The following ITPR1 variants were observed in gnomAD, a reference collection of about 807,000 sequenced individuals.
ITPR1 encodes the protein inositol 1,4,5-trisphosphate receptor type 1.
ITPR1 carries 96 observed loss-of-function variants against 318.4 expected under a neutral mutation model. The observed-to-expected ratio is 0.30, with a 90% CI of 0.26 to 0.36. ITPR1 has a LOEUF of 0.36. Among genes scored for constraint, ITPR1 ranks in the 10% least tolerant of loss-of-function variants. ITPR1 has a pLI of 1.00. For missense variants in ITPR1, 2,440 were observed against 3,460.2 expected (o/e 0.71, Z 7.40); for synonymous variants, 1,312 against 1,289.9 (o/e 1.02, Z -0.37).
At chr3:4,846,084 G>T in intron 61 of ITPR1, 55 bp from the exon 62 acceptor site, 1 of 1,039,272 alleles carries the variant, frequency 9.6e-7, no homozygotes, top group Non-Finnish European at 1.4e-6. Flanking sequence ...TTCAGTATGC[G>T]ATTTGACGTA....
chr3:4,616,731 G>T lies in ITPR1; in HGVS notation c.164-11032G>T, dbSNP rs142458284. Among the ~76,000 whole-genome samples the T allele has an allele frequency of 3.8e-4, 58 of 152,214 alleles. 2 individuals carry two copies. The East Asian group carries it at 0.011, about 29-fold the overall frequency. On this transcript the variant is annotated intron_variant, in intron 4 of 61. Transcript: ENST00000649015. The stretch of plus-strand genomic sequence containing the variant: ...CAACTCCAGCCAGAGTGTTGCCTGG[G>T]GTGTGGGGTAATAAGAAAGAATGAA...
intron 4 of ITPR1, among the ~76,000 whole-genome samples, chr3:4,575,867 A>G (rs1383845473): frequency 6.6e-6 from 1 of 152,032 alleles, no homozygotes. Flanking sequence ...CAAAAAATAA[A>G]AAATTATCTA....
chr3:4,746,877 G>A (rs2044147637), intron 44 of ITPR1, among the ~76,000 whole-genome samples: 1 of 152,200 alleles, frequency 6.6e-6, no homozygotes, highest in African/African-American at 2.4e-5. Flanking sequence ...ACTCGCCCAA[G>A]GGTGCACTTT....
chr3:4,814,345 C>A, intron 57 of ITPR1, 78 bp from the exon 58 acceptor site: 1 of 1,453,278 alleles, frequency 6.9e-7, no homozygotes, highest in Non-Finnish European at 9.7e-7. Context: ...AGATGGCATT[C>A]AGGAAACAGG....
chr3:4,539,837 G>A (rs2084256119), intron 4 of ITPR1, among the ~76,000 whole-genome samples: 2 of 152,134 alleles, frequency 1.3e-5, no homozygotes, highest in Non-Finnish European at 2.9e-5. Context: ...TCTTTAGAGA[G>A]TCCTTACCAG....
At chr3:4,746,379 G>A (rs1053028823) in intron 44 of ITPR1, among the ~76,000 whole-genome samples, 9 of 152,136 alleles carry the variant, frequency 5.9e-5, no homozygotes, top group East Asian at 1.9e-4. Flanking sequence ...ACTCCCCTAC[G>A]CTTATTGTCC....
chr3:4,668,826 A>G (rs919027844), intron 18 of ITPR1, among the ~76,000 whole-genome samples: 2 of 152,192 alleles, frequency 1.3e-5, no homozygotes, highest in Non-Finnish European at 2.9e-5. Context: ...CAGTATAATC[A>G]GTAAGAGTCT....
At chr3:4,806,709 C>T (rs926719537) in intron 55 of ITPR1, among the ~76,000 whole-genome samples, 9 of 152,090 alleles carry the variant, frequency 5.9e-5, no homozygotes, top group Non-Finnish European at 1.2e-4. Flanking sequence ...TTTGAAGCCC[C>T]GGGATTCATG....
At chr3:4,789,197 G>T (rs2047394454) in intron 52 of ITPR1, among the ~76,000 whole-genome samples, 2 of 152,276 alleles carry the variant, frequency 1.3e-5, no homozygotes, top group South Asian at 2.1e-4. Context: ...AAAAAGTCTG[G>T]CCAGGCCAAA....
At chr3:4,574,772 T>A (rs999840033) in intron 4 of ITPR1, among the ~76,000 whole-genome samples, 21 of 152,264 alleles carry the variant, frequency 1.4e-4, no homozygotes, top group Admixed American at 1.3e-4. Context: ...GTCATGGGAT[T>A]GGAACATCAA....
At chr3:4,565,422 G>C (rs1221814246) in intron 4 of ITPR1, among the ~76,000 whole-genome samples, 2 of 152,162 alleles carry the variant, frequency 1.3e-5, no homozygotes, top group Non-Finnish European at 2.9e-5. Context: ...TGCCTCCCTT[G>C]TTCTTTATCC....
At chr3:4,583,547 G>T (rs532690400) in intron 4 of ITPR1, among the ~76,000 whole-genome samples, 2 of 152,314 alleles carry the variant, frequency 1.3e-5, no homozygotes, top group South Asian at 4.1e-4. Context: ...GTGCAATCCA[G>T]GCTAGTGGAA....
chr3:4,598,152 C>T (rs963241399), intron 4 of ITPR1, among the ~76,000 whole-genome samples: 1 of 152,142 alleles, frequency 6.6e-6, no homozygotes, highest in Non-Finnish European at 1.5e-5. Flanking sequence ...AAATTTGTAC[C>T]ATCCTTCCCC....
chr3:4,693,717 G>A lies in ITPR1; in HGVS notation c.4257G>A (p.Val1419=). The A allele has an allele frequency of 6.2e-7, 1 of 1,613,058 alleles. No individual in the cohort carries two copies. The highest frequency in any genetic ancestry group is 8.5e-7 in the Non-Finnish European group (1 of 1,179,414). Residue 1419 remains valine, a synonymous_variant, in exon 33 of 62, where the codon GTG becomes GTA. Coordinates refer to ENST00000649015, the MANE Select transcript of ITPR1 (RefSeq NM_001378452.1). ...LLPLDDIVRV[V]THEDCIPEVK... ...CGCTGGATGACATCGTTCGCGTGGT[G>A]ACCCACGAGGACTGCATCCCTGAGG...
At chr3:4,831,333 C>T (rs1321644721) in intron 60 of ITPR1, 1 of 264,506 alleles carries the variant, frequency 3.8e-6, no homozygotes, top group African/African-American at 2.2e-5. Flanking sequence ...CCGGCTGTGG[C>T]TTCAGTTAGT....
intron 2 of ITPR1, among the ~76,000 whole-genome samples, chr3:4,508,012 G>A (rs145647240): frequency 2.3e-4 from 35 of 152,306 alleles, no homozygotes; most frequent in African/African-American, 7.5e-4. Flanking sequence ...AGGTAATTGT[G>A]TGGTAAAATA....
chr3:4,623,439 A>G (rs1873848), intron 4 of ITPR1, among the ~76,000 whole-genome samples: 20,860 of 152,242 alleles, frequency 0.14, 2,074 homozygotes, highest in East Asian at 0.48. Flanking sequence ...TACTTGTCAC[A>G]TAAGACATTC....
Position 4,684,267 on chromosome 3 carries a change from A to G in ITPR1, c.3499-14A>G, listed in dbSNP as rs1458168261. 1 of 1,590,404 alleles carries G rather than the reference A, an allele frequency of 6.3e-7. No individual in the cohort carries two copies. Among genetic ancestry groups the G allele is most frequent in the Non-Finnish European group, 8.6e-7 (1 of 1,160,700 alleles). On this transcript the variant is annotated splice_polypyrimidine_tract_variant and intron_variant, in intron 28 of 61. Transcript: ENST00000649015. The stretch of plus-strand genomic sequence containing the variant: ...AGTTGTACAGATCACACTTGTGTTC[A>G]CTTTGGTTTCTAGGAGGGAAATAAC...
chr3:4,508,067 C>T (rs147566749), intron 2 of ITPR1, among the ~76,000 whole-genome samples: 6 of 152,124 alleles, frequency 3.9e-5, no homozygotes, highest in East Asian at 3.9e-4. Context: ...ACTGTGGGGA[C>T]GAGGCGAGGG....
Sources: allele counts gnomAD v4.1 joint callset (sites outside exome capture counted in the v4.1 genomes callset), GRCh38; gene constraint gnomAD v4.1.1; transcripts MANE v1.5; gene names NCBI Gene and HGNC (gene_info 2026-07-23, HGNC 2026-07-21).